Variants in GNG2 observed in about 807,000 individuals in gnomAD.
The protein encoded by GNG2 is guanine nucleotide-binding protein G(I)/G(S)/G(O) subunit gamma-2.
Under a neutral mutation model 5.5 loss-of-function variants are expected in GNG2, and 5 were observed. The ratio of observed to expected loss-of-function variants is 0.91; its 90% CI spans 0.48 to 1.92. The LOEUF (loss-of-function observed/expected upper bound fraction) is 1.92, where lower values mean the gene tolerates loss of function less well. Ranked by LOEUF, GNG2 falls within the 30% of genes most tolerant of loss-of-function variation. GNG2 has a pLI of 0.01. For missense variants in GNG2, 55 were observed against 88.4 expected (o/e 0.62, Z 1.52); for synonymous variants, 28 against 32.0 (o/e 0.88, Z 0.42).
chr14:51,889,607 G>A (rs1181996378), intron 2 of GNG2, among the ~76,000 whole-genome samples: 2 of 152,154 alleles, frequency 1.3e-5, no homozygotes, highest in Non-Finnish European at 2.9e-5. Flanking sequence ...TTCAAGAGCA[G>A]CCATTAATTT....
At chr14:51,834,148 T>A (rs1453062287) in intron 2 of GNG2, among the ~76,000 whole-genome samples, 1 of 152,192 alleles carries the variant, frequency 6.6e-6, no homozygotes, top group Non-Finnish European at 1.5e-5. Context: ...CATTGAAGCT[T>A]TTGGAGATGG....
At chr14:51,934,753 A>G (rs1566697527) in intron 2 of GNG2, among the ~76,000 whole-genome samples, 1 of 152,036 alleles carries the variant, frequency 6.6e-6, no homozygotes, top group Admixed American at 6.6e-5. Context: ...TGCTACTTCC[A>G]TGCCCCTCTG....
chr14:51,942,592 T>TCTTTCTTTCTTTC (rs574783206), intron 2 of GNG2, among the ~76,000 whole-genome samples: 10 of 132,208 alleles, frequency 7.6e-5, no homozygotes, highest in South Asian at 5.2e-4. Flanking sequence ...TTTCTTTCTT[T>TCTTTCTTTCTTTC]TTTTTTTTTT....
intron 2 of GNG2, among the ~76,000 whole-genome samples, chr14:51,949,498 T>C (rs985260788): frequency 6.6e-6 from 1 of 152,248 alleles, no homozygotes; most frequent in African/African-American, 2.4e-5. Context: ...CTTCATCCTT[T>C]GGTAAAAAGA....
At chr14:51,863,559 A>G (rs1297256649) in intron 1 of GNG2, among the ~76,000 whole-genome samples, 1 of 152,102 alleles carries the variant, frequency 6.6e-6, no homozygotes, top group Admixed American at 6.5e-5. Context: ...CATTTTAACT[A>G]TTTTTTTAAG....
Position 51,967,989 on chromosome 14 carries a change from G to A in GNG2, c.*1302G>A, listed in dbSNP as rs1419478201. 1 of 152,166 alleles carries A rather than the reference G, an allele frequency of 6.6e-6. No individual in the cohort carries two copies. The highest frequency in any genetic ancestry group is 6.5e-5 in the Admixed American group (1 of 15,276). The allele number at this position is 152,166 out of a possible 1,614,324, so 9.4% of individuals were successfully genotyped here. ...GGCGGCAGGTGCGGTCCCCACGGCC[G>A]GCTCTACGAGGAAGAGTTCTGGCTC... is the stretch of plus-strand genomic sequence containing the variant. On this transcript the variant is annotated 3_prime_UTR_variant, in exon 4 of 4. Transcript: ENST00000556766.
chr14:51,853,950 G>A (rs570061962), intron 2 of GNG2, among the ~76,000 whole-genome samples: 28 of 151,864 alleles, frequency 1.8e-4, no homozygotes, highest in African/African-American at 6.5e-4. Context: ...GAGTGCAGTG[G>A]CACTATCTTG....
At chr14:51,938,236 C>T (rs987633416) in intron 2 of GNG2, among the ~76,000 whole-genome samples, 9 of 152,208 alleles carry the variant, frequency 5.9e-5, no homozygotes, top group Admixed American at 3.9e-4. Flanking sequence ...TAGGATTGCT[C>T]ATGAAGTTCT....
At chr14:51,845,758 A>G (rs1385034394) in intron 2 of GNG2, among the ~76,000 whole-genome samples, 2 of 152,098 alleles carry the variant, frequency 1.3e-5, no homozygotes, top group Non-Finnish European at 2.9e-5. Context: ...ATTTTGCAAA[A>G]TGATTTGAGC....
At chr14:51,859,025 C>T (rs1267853928), upstream of GNG2, among the ~76,000 whole-genome samples, 1 of 152,134 alleles carries the variant, frequency 6.6e-6, no homozygotes, top group African/African-American at 2.4e-5. Context: ...TGCTGTGGTC[C>T]TCACGATGTG....
At chr14:51,914,689 A>AG (rs1397177611) in intron 2 of GNG2, among the ~76,000 whole-genome samples, 1 of 152,172 alleles carries the variant, frequency 6.6e-6, no homozygotes, top group Non-Finnish European at 1.5e-5. Flanking sequence ...TAACAAAGAG[A>AG]GGTCTTTGCT....
rs186474933 is a variant in GNG2 at position 51,852,967 on chromosome 14, A to G, written c.64+25160A>G. ...GGTTTAATGTTATTACTTGGTCGGT[A>G]ACTTCAGGGTCTTTCCTTTTCCAAA... On this transcript the variant is annotated intron_variant, in intron 2 of 3. Coordinates refer to the GNG2 transcript ENST00000553432. Among the ~76,000 whole-genome samples, 3 of 152,260 alleles carry G rather than the reference A, an allele frequency of 2.0e-5. No homozygotes were observed. The East Asian group carries it at 5.8e-4, about 29-fold the overall frequency.
intron 2 of GNG2, among the ~76,000 whole-genome samples, chr14:51,904,086 A>G (rs1438364845): frequency 6.6e-6 from 1 of 152,164 alleles, no homozygotes; most frequent in Non-Finnish European, 1.5e-5. Flanking sequence ...TAACACTCAA[A>G]TCACACCACA....
chr14:51,862,699 G>A (rs1343405978), intron 1 of GNG2, among the ~76,000 whole-genome samples: 1 of 152,232 alleles, frequency 6.6e-6, no homozygotes, highest in African/African-American at 2.4e-5. Flanking sequence ...AGTCAAGAGG[G>A]CCTTGCTATC....
intron 2 of GNG2, among the ~76,000 whole-genome samples, chr14:51,844,976 C>T (rs1311505361): frequency 1.3e-5 from 2 of 152,096 alleles, no homozygotes; most frequent in East Asian, 1.9e-4. Flanking sequence ...CCTTCCACCT[C>T]GGCCTCCCAA....
chr14:51,966,438 G>C, intron 3 of GNG2, 121 bp from the exon 4 acceptor site: 1 of 817,384 alleles, frequency 1.2e-6, no homozygotes, highest in Non-Finnish European at 2.0e-6. Flanking sequence ...GAAGCTTTTA[G>C]AGGCTGAGTA....
chr14:51,850,915 A>C (rs956986952), intron 2 of GNG2, among the ~76,000 whole-genome samples: 10 of 152,180 alleles, frequency 6.6e-5, no homozygotes, highest in African/African-American at 2.4e-4. Context: ...CACCCCCATG[A>C]TCAAAACACC....
At chr14:51,942,545 G>A (rs956354326) in intron 2 of GNG2, among the ~76,000 whole-genome samples, 1 of 88,154 alleles carries the variant, frequency 1.1e-5, no homozygotes, top group Non-Finnish European at 2.6e-5. Flanking sequence ...TAGAATTTCT[G>A]ATTATTAGAA....
At chr14:51,883,824 C>T (rs1266214277) in intron 2 of GNG2, among the ~76,000 whole-genome samples, 1 of 151,820 alleles carries the variant, frequency 6.6e-6, no homozygotes, top group African/African-American at 2.4e-5. Flanking sequence ...ATACTGTATA[C>T]TATAACTAGC....
Sources: allele counts gnomAD v4.1 joint callset (sites outside exome capture counted in the v4.1 genomes callset), GRCh38; gene constraint gnomAD v4.1.1; transcripts MANE v1.5; gene names NCBI Gene and HGNC (gene_info 2026-07-23, HGNC 2026-07-21).